DHX9: variants seen among roughly 807,000 people sequenced by gnomAD.
DHX9 encodes DExH-box helicase 9, also known as ATP-dependent RNA helicase A.
In DHX9, 27 loss-of-function variants were observed where a neutral mutation model predicts 148.7. The observed-to-expected ratio is 0.18, with a 90% confidence interval of 0.13 to 0.25. The LOEUF (loss-of-function observed/expected upper bound fraction) is 0.25. Among genes scored for constraint, DHX9 ranks in the 10% least tolerant of loss-of-function variants. The pLI, the probability that DHX9 is intolerant of heterozygous loss-of-function variation, is 1.00. For synonymous variants in DHX9, 529 were observed against 516.6 expected, an observed-to-expected ratio of 1.02 and a Z score of -0.33; for missense variants, 796 against 1,559.6, an observed-to-expected ratio of 0.51 and a Z score of 8.25.
rs201196588 is a variant in DHX9 at position 182,887,384 on chromosome 1, G to T, written c.3763G>T (p.Ala1255Ser). ...GGFQRGGGRG[A>S]YGTGYFGQGR... ...ATTCCAGCGAGGAGGTGGTAGGGGG[G>T]CCTATGGAACTGGCTACTTTGGACA... is the stretch of plus-strand genomic sequence containing the variant. Residue 1255 changes from alanine to serine, a missense_variant, in exon 28 of 28, where the codon GCC becomes TCC. By Grantham distance (99) the Ala-to-Ser change is moderately conservative. Around this residue, in one of 14 missense-constraint regions of DHX9, gnomAD observed 98 missense variants for 105.5 expected, o/e 0.93. Transcript: ENST00000367549. The T allele has an allele frequency of 3.1e-6, 5 of 1,614,054 alleles. No individual in the cohort carries two copies. Among genetic ancestry groups the T allele is most frequent in the Admixed American group, 1.7e-5 (1 of 60,014 alleles).
chr1:182,875,800 T>TCTCTCTCAAAATTAAACA lies in DHX9; in HGVS notation c.1816-249_1816-248insTCTCTCAAAATTAAACAC, dbSNP rs1648736840. Reference sequence around the variant, plus strand: ...CAGAAGGCTCCATGAGAGTTTTGAGTCAAATTTAAGTTTGTGTTTGAATTT... The same window carrying TCTCTCTCAAAATTAAACA: ...CAGAAGGCTCCATGAGAGTTTTGAGTCTCTCTCAAAATTAAACACAAATTTAAGTTTGTGTTTGAATTT... On this transcript the variant is annotated intron_variant, in intron 16 of 27. Transcript: ENST00000367549. Among the ~76,000 whole-genome samples the TCTCTCTCAAAATTAAACA allele has an allele frequency of 2.6e-5, 4 of 152,288 alleles. No individual in the cohort carries two copies. In the South Asian group the frequency reaches 8.3e-4, roughly 32 times the overall value.
intron 24 of DHX9, 55 bp from the exon 25 acceptor site, chr1:182,883,084 A>G: frequency 8.7e-7 from 1 of 1,147,322 alleles, no homozygotes; most frequent in Admixed American, 1.7e-5. Flanking sequence ...TTTGCATGTA[A>G]TGTGAAGATC....
intron 24 of DHX9, among the ~76,000 whole-genome samples, chr1:182,882,541 C>G (rs1649131515): frequency 6.6e-6 from 1 of 152,120 alleles, no homozygotes; most frequent in South Asian, 2.1e-4. Flanking sequence ...CTCTTATTCT[C>G]AGAGTAGATG....
At chr1:182,859,937 A>G (rs1358125593) in intron 11 of DHX9, 56 bp from the exon 12 acceptor site, 3 of 1,535,662 alleles carry the variant, frequency 2.0e-6, no homozygotes, top group African/African-American at 2.8e-5. Context: ...GGATCAAGAC[A>G]GTTGCTTCTA....
chr1:182,886,315 C>T (rs560932177), intron 27 of DHX9, among the ~76,000 whole-genome samples: 1 of 152,092 alleles, frequency 6.6e-6, no homozygotes, highest in Non-Finnish European at 1.5e-5. Context: ...CCTGCCTCAA[C>T]CCCCCGAGCA....
chr1:182,881,625 G>A lies in DHX9; in HGVS notation c.2892G>A (p.Leu964=). Residue 964 remains leucine (L), a synonymous_variant, in exon 24 of 28, where the codon TTG becomes TTA. Coordinates refer to ENST00000367549, the MANE Select transcript of DHX9 (RefSeq NM_001357.5). ...WEAKVQLKEI[L]INSGFPEDCL... ...CCAAAGTTCAGCTCAAAGAGATTTT[G>A]ATTAATTCTGGGTTTCCAGAAGGTA... 1 of 1,607,020 alleles carries A rather than the reference G, an allele frequency of 6.2e-7. No individual in the cohort carries two copies. Among genetic ancestry groups the A allele is most frequent in the South Asian group, 1.1e-5 (1 of 89,092 alleles).
chr1:182,870,078 GA>G (rs1368455429), intron 14 of DHX9, among the ~76,000 whole-genome samples: 2 of 151,482 alleles, frequency 1.3e-5, no homozygotes, highest in Non-Finnish European at 2.9e-5. Context: ...CAAATAACTA[GA>G]AAAACAAAAA....
rs1482485406 is a variant in DHX9 at position 182,874,848 on chromosome 1, T to C, written c.1715-6T>C. ...GTACTTAACCTGACTGGATTGTCCC[T>C]GGCAGAATATTTTCTGGAAGACTGC... On this transcript the variant is annotated splice_polypyrimidine_tract_variant and splice_region_variant and intron_variant, in intron 15 of 27. Transcript: ENST00000367549. 1 of 1,605,924 alleles carries C rather than the reference T, an allele frequency of 6.2e-7. No homozygotes were observed. The highest frequency in any genetic ancestry group is 1.1e-5 in the South Asian group (1 of 90,866).
In DHX9 at chr1:182,872,375, G is replaced by A. The variant is rs1648587663; in HGVS notation, c.1596G>A (p.Gln532=). 6.2e-7 allele frequency: 1 copy of A among 1,613,724 alleles called. No homozygotes were observed. Among genetic ancestry groups the A allele is most frequent in the South Asian group, 1.1e-5 (1 of 91,014 alleles). ...TGGTAGTACTGCGTGATGTTGTTCA[G>A]GCTTATCCTGAAGTTCGCATTGTTC... ...FLLVVLRDVV[Q]AYPEVRIVLM... is the part of the protein sequence containing the mutation. The change falls in exon 15 of 28, where the codon CAG becomes CAA. Residue 532 remains glutamine, a synonymous_variant. Coordinates refer to ENST00000367549, the MANE Select transcript of DHX9 (RefSeq NM_001357.5).
chr1:182,868,520 C>CTTTTTGTTTTTTTTT (rs1648401063), intron 14 of DHX9, among the ~76,000 whole-genome samples: 1 of 127,522 alleles, frequency 7.8e-6, no homozygotes, highest in Non-Finnish European at 1.6e-5. Flanking sequence ...ATTTTAATTC[C>CTTTTTGTTTTTTTTT]TTTTTTTTTT....
chr1:182,840,317 T>TC (rs1457293834), intron 1 of DHX9, among the ~76,000 whole-genome samples: 1 of 148,688 alleles, frequency 6.7e-6, no homozygotes, highest in Admixed American at 6.7e-5. Flanking sequence ...TTTTTTTTTT[T>TC]TTTGCAAGAG....
chr1:182,874,535 T>TA (rs1387473701), intron 15 of DHX9, among the ~76,000 whole-genome samples: 2 of 152,216 alleles, frequency 1.3e-5, no homozygotes, highest in Admixed American at 6.5e-5. Flanking sequence ...GTATTGAAGT[T>TA]ACTTCTTTCC....
chr1:182,868,182 C>T (rs983651124), intron 14 of DHX9, among the ~76,000 whole-genome samples: 4 of 152,048 alleles, frequency 2.6e-5, no homozygotes, highest in African/African-American at 7.2e-5. Flanking sequence ...TTGAATAGTA[C>T]TCAGCAACAA....
chr1:182,872,914 G>T (rs1315950506), intron 15 of DHX9, among the ~76,000 whole-genome samples: 1 of 152,114 alleles, frequency 6.6e-6, no homozygotes, highest in African/African-American at 2.4e-5. Flanking sequence ...TAAAGGAAGT[G>T]TATCAAGGTT....
intron 16 of DHX9, chr1:182,875,259 C>A (rs1648707780): frequency 2.2e-6 from 1 of 455,984 alleles, no homozygotes; most frequent in East Asian, 6.6e-5. Context: ...TTTTGCTACT[C>A]AAAGTTTTTC....
At chr1:182,844,356 C>T (rs929400101) in intron 3 of DHX9, among the ~76,000 whole-genome samples, 2 of 152,096 alleles carry the variant, frequency 1.3e-5, no homozygotes, top group African/African-American at 4.8e-5. Context: ...CAACAAATAC[C>T]TCTGTCTAGT....
At chr1:182,875,373 C>T (rs1648713976) in intron 16 of DHX9, among the ~76,000 whole-genome samples, 1 of 152,172 alleles carries the variant, frequency 6.6e-6, no homozygotes, top group South Asian at 2.1e-4. Flanking sequence ...CTCAGGTGAT[C>T]TGTATATACA....
intron 14 of DHX9, among the ~76,000 whole-genome samples, chr1:182,870,163 A>AAT (rs1278779162): frequency 6.6e-6 from 1 of 152,222 alleles, no homozygotes; most frequent in Admixed American, 6.5e-5. Flanking sequence ...CTCCAAGAAA[A>AAT]ATAAGTTTTA....
At chr1:182,847,732 G>GTA (rs1441729027) in intron 3 of DHX9, among the ~76,000 whole-genome samples, 1 of 152,184 alleles carries the variant, frequency 6.6e-6, no homozygotes, top group Middle Eastern at 3.2e-3. Context: ...GCTTCTCTCA[G>GTA]GCTAAAAGCT....
Sources: gnomAD v4.1 joint callset for allele counts (sites outside exome capture counted in the v4.1 genomes callset) on GRCh38, gnomAD v4.1.1 for gene constraint, gnomAD v4.1.1 regional missense constraint, MANE v1.5 for transcripts, NCBI Gene and HGNC (gene_info 2026-07-23, HGNC 2026-07-21) for gene names.